Variants in ERC2 observed in about 807,000 individuals in gnomAD.
ERC2 encodes the protein ERC protein 2.
A neutral mutation model predicts 114.8 loss-of-function variants in ERC2; 42 were observed. The observed-to-expected ratio is 0.37, with a 90% CI of 0.29 to 0.47. The LOEUF is 0.47. Among genes scored for constraint, ERC2 ranks in the 20% least tolerant of loss-of-function variants. The pLI, the probability that ERC2 is intolerant of heterozygous loss-of-function variation, is 0.99. For missense variants in ERC2, 939 were observed against 1,150.7 expected, an observed-to-expected ratio of 0.82 and a Z score of 2.66; for synonymous variants, 454 against 425.5, an observed-to-expected ratio of 1.07 and a Z score of -0.82.
intron 3 of ERC2, among the ~76,000 whole-genome samples, chr3:56,199,867 A>G (rs1314791011): frequency 2.0e-5 from 3 of 152,032 alleles, no homozygotes; most frequent in South Asian, 2.1e-4. Flanking sequence ...GATGAAGGAG[A>G]AACTGTGGAC....
Position 55,804,878 on chromosome 3 carries a change from G to A in ERC2, c.2565-69960C>T, listed in dbSNP as rs570111922. ...CCTGAAAGCAACTGTTCTTCTGCTT[G>A]CTTCAGGAAGTCTTTCTGAATCACT... is the stretch of plus-strand genomic sequence containing the variant. On this transcript the variant is annotated intron_variant, in intron 14 of 17. Transcript: ENST00000288221. 1.3e-4 allele frequency among the ~76,000 whole-genome samples: 20 copies of A among 152,138 alleles called. No homozygotes were observed. In the East Asian group the frequency reaches 3.5e-3, roughly 27 times the overall value.
At chr3:55,556,270 A>G (rs554316708) in intron 17 of ERC2, among the ~76,000 whole-genome samples, 4 of 152,302 alleles carry the variant, frequency 2.6e-5, no homozygotes, top group African/African-American at 4.8e-5. Flanking sequence ...CTCTCACTGC[A>G]TGGATATTTC....
At chr3:55,968,533 G>T (rs1040495813) in intron 12 of ERC2, among the ~76,000 whole-genome samples, 7 of 152,134 alleles carry the variant, frequency 4.6e-5, no homozygotes, top group Non-Finnish European at 1.0e-4. Flanking sequence ...TGTGCAGTTT[G>T]CTGAAATGCT....
intron 17 of ERC2, among the ~76,000 whole-genome samples, chr3:55,678,533 T>C (rs904857049): frequency 5.3e-5 from 8 of 152,192 alleles, no homozygotes; most frequent in Non-Finnish European, 1.2e-4. Context: ...TCTTATTCTA[T>C]AACTACTGAT....
intron 17 of ERC2, among the ~76,000 whole-genome samples, chr3:55,539,427 T>C (rs985648907): frequency 9.8e-5 from 11 of 112,690 alleles, no homozygotes; most frequent in Non-Finnish European, 5.7e-5. Flanking sequence ...TTTTTTTTTT[T>C]TTTTTTTTTT....
intron 7 of ERC2, among the ~76,000 whole-genome samples, chr3:56,045,565 C>T (rs2075413253): frequency 6.6e-6 from 1 of 152,240 alleles, no homozygotes; most frequent in South Asian, 2.1e-4. Context: ...AGCATTCTGA[C>T]GAAAGCCACG....
At chr3:55,730,221 G>C (rs2065172595) in intron 15 of ERC2, among the ~76,000 whole-genome samples, 1 of 152,136 alleles carries the variant, frequency 6.6e-6, no homozygotes, top group African/African-American at 2.4e-5. Context: ...GATATGAGTG[G>C]TTTGATGGTG....
At chr3:55,648,644 C>T (rs1349238626) in intron 17 of ERC2, among the ~76,000 whole-genome samples, 2 of 151,990 alleles carry the variant, frequency 1.3e-5, no homozygotes, top group Middle Eastern at 3.2e-3. Flanking sequence ...TAAGAGAGTC[C>T]CAAGAGGAAG....
At chr3:56,138,162 C>A (rs1575558368) in intron 6 of ERC2, among the ~76,000 whole-genome samples, 3 of 148,834 alleles carry the variant, frequency 2.0e-5, no homozygotes, top group Admixed American at 6.9e-5. Context: ...TGGGTTCATG[C>A]CATTCTCCTA....
At chr3:55,747,954 A>ACAATTTGTG (rs2066415838) in intron 14 of ERC2, among the ~76,000 whole-genome samples, 2 of 152,238 alleles carry the variant, frequency 1.3e-5, no homozygotes, top group Non-Finnish European at 1.5e-5. Context: ...ACTCATGAAT[A>ACAATTTGTG]CAATTTGTGG....
At chr3:56,022,237 A>G (rs1223520534) in intron 7 of ERC2, among the ~76,000 whole-genome samples, 1 of 152,258 alleles carries the variant, frequency 6.6e-6, no homozygotes, top group Non-Finnish European at 1.5e-5. Flanking sequence ...AAAAGAAAAA[A>G]TTATTGCATA....
chr3:56,158,733 C>CA (rs796645014), intron 4 of ERC2, among the ~76,000 whole-genome samples: 5,039 of 145,286 alleles, frequency 0.035, 276 homozygotes, highest in African/African-American at 0.12. Context: ...TTCAGAAAAA[C>CA]AAAAAAAAAA....
intron 4 of ERC2, among the ~76,000 whole-genome samples, chr3:56,153,217 A>G (rs773884377): frequency 2.6e-5 from 4 of 152,176 alleles, no homozygotes; most frequent in Non-Finnish European, 5.9e-5. Context: ...TTGCCAGGTG[A>G]GTAAGATACC....
At chr3:56,150,315 A>T (rs1186643363) in intron 4 of ERC2, among the ~76,000 whole-genome samples, 1 of 152,140 alleles carries the variant, frequency 6.6e-6, no homozygotes, top group Non-Finnish European at 1.5e-5. Flanking sequence ...TGTCTACTTT[A>T]TTTTCCTATA....
intron 17 of ERC2, among the ~76,000 whole-genome samples, chr3:55,609,085 G>A (rs1440638348): frequency 6.6e-6 from 1 of 152,170 alleles, no homozygotes; most frequent in Admixed American, 6.5e-5. Context: ...GGCAGGGAGA[G>A]TCCTAAAGTT....
chr3:55,925,339 C>A (rs2065685138), intron 13 of ERC2, among the ~76,000 whole-genome samples: 2 of 152,248 alleles, frequency 1.3e-5, no homozygotes, highest in South Asian at 4.1e-4. Flanking sequence ...AAAACAGAAT[C>A]AGGGCTTGAG....
At chr3:55,850,783 A>G (rs2061534314) in intron 14 of ERC2, among the ~76,000 whole-genome samples, 1 of 151,230 alleles carries the variant, frequency 6.6e-6, no homozygotes, top group Non-Finnish European at 1.5e-5. Context: ...ATTATCCATC[A>G]GTTCAAGGTA....
chr3:55,652,773 T>A (rs1373990847), intron 17 of ERC2, among the ~76,000 whole-genome samples: 6 of 143,052 alleles, frequency 4.2e-5, no homozygotes, highest in African/African-American at 1.6e-4. Flanking sequence ...GGCAGGAGAA[T>A]CGTTTGAACC....
At chr3:55,966,884 C>T (rs1458056) in intron 12 of ERC2, among the ~76,000 whole-genome samples, 35,784 of 152,048 alleles carry the variant, frequency 0.24, 4,904 homozygotes, top group Admixed American at 0.33. Flanking sequence ...CAGTAAATAC[C>T]CATTTTTTCC....
Sources: allele counts gnomAD v4.1 joint callset (sites outside exome capture counted in the v4.1 genomes callset), GRCh38; gene constraint gnomAD v4.1.1; transcripts MANE v1.5; gene names NCBI Gene and HGNC (gene_info 2026-07-23, HGNC 2026-07-21).